The following CNGB3 variants were observed in gnomAD, a reference collection of about 807,000 sequenced individuals.
The protein encoded by CNGB3 is cyclic nucleotide-gated channel beta-3.
A neutral mutation model predicts 92.8 loss-of-function variants in CNGB3; 86 were observed. That is an observed-to-expected ratio of 0.93 (90% CI 0.78 to 1.11). The LOEUF is 1.11. CNGB3 is among the 50% of genes least tolerant of loss of function. The probability of loss-of-function intolerance (pLI) is 0.00; values close to 1 mark genes in which losing one functional copy is unlikely to be tolerated. For missense variants in CNGB3, 1,026 were observed against 956.8 expected (o/e 1.07, Z -0.95); for synonymous variants, 333 against 332.7 (o/e 1.00, Z -0.01).
intron 14 of CNGB3, among the ~76,000 whole-genome samples, chr8:86,607,868 C>T (rs1313146704): frequency 2.6e-5 from 4 of 152,132 alleles, no homozygotes; most frequent in African/African-American, 4.8e-5. Context: ...TTCCCCTTGC[C>T]TTCAATATTT....
At chr8:86,634,793 G>T (rs147416955) in intron 10 of CNGB3, among the ~76,000 whole-genome samples, 2 of 151,568 alleles carry the variant, frequency 1.3e-5, no homozygotes, top group East Asian at 3.9e-4. Context: ...TTGAACAAGG[G>T]TGGTCTTTTC....
intron 2 of CNGB3, among the ~76,000 whole-genome samples, chr8:86,728,188 C>T (rs1825096125): frequency 1.3e-5 from 2 of 152,120 alleles, no homozygotes; most frequent in Admixed American, 1.3e-4. Flanking sequence ...AAAAACAATT[C>T]TCCAATTTCC....
At chr8:86,580,961 C>T (rs980929480) in intron 15 of CNGB3, among the ~76,000 whole-genome samples, 5 of 152,136 alleles carry the variant, frequency 3.3e-5, no homozygotes, top group African/African-American at 1.2e-4. Flanking sequence ...GCTGCATGGG[C>T]CCTGTGCCTG....
chr8:86,677,660 C>A (rs902106423), intron 3 of CNGB3, among the ~76,000 whole-genome samples: 3 of 151,974 alleles, frequency 2.0e-5, no homozygotes, highest in African/African-American at 7.3e-5. Context: ...AGAGACAGAT[C>A]TAAAAGAGAA....
rs2131527326 is a variant in CNGB3, at chr8:86,574,342, T to C, written c.*1462A>G. 1 of 152,308 alleles carries C rather than the reference T, an allele frequency of 6.6e-6. No individual in the cohort carries two copies. The highest frequency in any genetic ancestry group is 2.4e-5 in the African/African-American group (1 of 41,568). 9.4% of individuals were successfully genotyped at this position (152,308 alleles called of 1,614,324 possible). A position where few individuals can be genotyped will look rare whatever the true frequency, so the allele number is the denominator to read the frequency against. Reference sequence around the variant, plus strand: ...CTGGGTTTTTAAATCACCCTTTTTATACGCAATTCACTCTTTCTGCATACA... The same window carrying C: ...CTGGGTTTTTAAATCACCCTTTTTACACGCAATTCACTCTTTCTGCATACA... On this transcript the variant is annotated 3_prime_UTR_variant, in exon 18 of 18. Coordinates refer to ENST00000320005, the MANE Select transcript of CNGB3 (RefSeq NM_019098.5).
intron 11 of CNGB3, 103 bp from the exon 12 acceptor site, chr8:86,629,181 A>G: frequency 7.9e-7 from 1 of 1,269,908 alleles, no homozygotes; most frequent in Non-Finnish European, 1.1e-6. Context: ...TAATGCCCTG[A>G]TTACTTGATT....
intron 5 of CNGB3, 94 bp downstream of exon 5, chr8:86,667,925 G>A: frequency 1.5e-6 from 2 of 1,340,796 alleles, no homozygotes; most frequent in African/African-American, 2.9e-5. Flanking sequence ...AGAATATGAA[G>A]TAAGGAAAAT....
intron 10 of CNGB3, among the ~76,000 whole-genome samples, chr8:86,633,813 G>A (rs1025469520): frequency 6.6e-6 from 1 of 152,098 alleles, no homozygotes; most frequent in African/African-American, 2.4e-5. Flanking sequence ...TTTTACTAGT[G>A]GAAAACAGAA....
intron 2 of CNGB3, among the ~76,000 whole-genome samples, chr8:86,735,443 C>T (rs899983866): frequency 3.9e-5 from 6 of 152,142 alleles, no homozygotes; most frequent in Admixed American, 3.9e-4. Flanking sequence ...TAATCTATCA[C>T]CATAAACTTA....
At chr8:86,590,192 G>A (rs999517832) in intron 15 of CNGB3, among the ~76,000 whole-genome samples, 155 of 151,842 alleles carry the variant, frequency 1.0e-3, no homozygotes, top group Non-Finnish European at 1.8e-3. Flanking sequence ...CATTTGCTTG[G>A]TAGATCTTCC....
intron 13 of CNGB3, among the ~76,000 whole-genome samples, chr8:86,620,221 C>G (rs1295477946): frequency 6.6e-6 from 1 of 152,150 alleles, no homozygotes; most frequent in Non-Finnish European, 1.5e-5. Context: ...AGTAACAAAG[C>G]TTTCATTGGA....
intron 13 of CNGB3, among the ~76,000 whole-genome samples, chr8:86,625,297 T>C (rs1822824484): frequency 6.6e-6 from 1 of 152,314 alleles, no homozygotes; most frequent in Non-Finnish European, 1.5e-5. Context: ...TCAGCTATTA[T>C]ATTCCCAGTG....
At chr8:86,646,092 T>C (rs1273963215) in intron 8 of CNGB3, among the ~76,000 whole-genome samples, 1 of 151,098 alleles carries the variant, frequency 6.6e-6, no homozygotes, top group Non-Finnish European at 1.5e-5. Flanking sequence ...TTTATAAGCT[T>C]TTATCATAAT....
At chr8:86,597,612 T>C (rs1370336683) in intron 15 of CNGB3, among the ~76,000 whole-genome samples, 1 of 152,030 alleles carries the variant, frequency 6.6e-6, no homozygotes, top group African/African-American at 2.4e-5. Flanking sequence ...TAATAGAATG[T>C]GCAAAAAACT....
Position 86,574,912 on chromosome 8 carries a change from C to G in CNGB3, c.*892G>C, listed in dbSNP as rs1821630722. The G allele has an allele frequency of 6.6e-6, 1 of 152,118 alleles. No homozygotes were observed. The highest frequency in any genetic ancestry group is 1.5e-5 in the Non-Finnish European group (1 of 68,032). The allele number at this position is 152,118 out of a possible 1,614,324, so 9.4% of individuals were successfully genotyped here. A position where few individuals can be genotyped will look rare whatever the true frequency, so the allele number is the denominator to read the frequency against. On this transcript the variant is annotated 3_prime_UTR_variant, in exon 18 of 18. Transcript: ENST00000320005. Reference sequence around the variant, plus strand: ...ATCTGACATGTGTAGAGTCTGCCTTCCTAACCTCATCACTTTGTTTTACTA... The same window carrying G: ...ATCTGACATGTGTAGAGTCTGCCTTGCTAACCTCATCACTTTGTTTTACTA...
intron 2 of CNGB3, among the ~76,000 whole-genome samples, chr8:86,730,561 A>G (rs1311272417): frequency 1.3e-5 from 2 of 152,210 alleles, no homozygotes; most frequent in Non-Finnish European, 2.9e-5. Context: ...AGATGCATTA[A>G]TAAAGACTAA....
At position 86,721,872 on chromosome 8, in the gene CNGB3, G is replaced by C. The variant is rs150707760; in HGVS notation, c.338+4659C>G. Among the ~76,000 whole-genome samples the C allele has an allele frequency of 2.6e-3, 402 of 152,196 alleles. 3 individuals are homozygous for C. The highest frequency in any genetic ancestry group is 9.2e-3 in the African/African-American group (384 of 41,534). On this transcript the variant is annotated intron_variant, in intron 3 of 17. Transcript: ENST00000320005. ...ACTGCAGTGATTCTTGCTTTTTCTA[G>C]CTACTAGACAATAAACGTCAGTGTT...
rs547745482 is a variant in CNGB3, at chr8:86,647,953, C to T, written c.904-66G>A. ...GCCTTTCTGGGAATGGATGGATTTA[C>T]GCTGATGTCTGTAAAAGTTGACCAA... On this transcript the variant is annotated intron_variant, in intron 7 of 17. Coordinates refer to ENST00000320005, the MANE Select transcript of CNGB3 (RefSeq NM_019098.5). 255 of 938,974 alleles carry T rather than the reference C, an allele frequency of 2.7e-4. 2 individuals are homozygous for T. The highest frequency in any genetic ancestry group is 1.5e-3 in the South Asian group (116 of 77,044). 58.2% of individuals were successfully genotyped at this position (938,974 alleles called of 1,614,324 possible).
chr8:86,701,862 T>C (rs936822949), intron 3 of CNGB3, among the ~76,000 whole-genome samples: 1 of 152,168 alleles, frequency 6.6e-6, no homozygotes, highest in African/African-American at 2.4e-5. Flanking sequence ...AATAAGTAGT[T>C]ATTATTGGGG....
Sources: allele counts gnomAD v4.1 joint callset (sites outside exome capture counted in the v4.1 genomes callset), GRCh38; gene constraint gnomAD v4.1.1; transcripts MANE v1.5; gene names NCBI Gene and HGNC (gene_info 2026-07-23, HGNC 2026-07-21).